Variants in RPTOR observed in about 807,000 individuals in gnomAD.
RPTOR encodes regulatory-associated protein of mTOR.
RPTOR carries 21 observed loss-of-function variants against 169.9 expected under a neutral mutation model. The ratio of observed to expected loss-of-function variants is 0.12; its 90% confidence interval spans 0.09 to 0.18. The LOEUF is 0.18. Ranked by LOEUF, RPTOR falls within the 10% of genes least tolerant of loss-of-function variation. The probability of loss-of-function intolerance (pLI) is 1.00; values close to 1 mark genes in which losing one functional copy is unlikely to be tolerated. For missense variants in RPTOR, 1,133 were observed against 1,855.9 expected, an observed-to-expected ratio of 0.61 and a Z score of 7.16; for synonymous variants, 732 against 753.2, an observed-to-expected ratio of 0.97 and a Z score of 0.46.
At chr17:80,892,191 G>A (rs762085012) in intron 18 of RPTOR, among the ~76,000 whole-genome samples, 14 of 152,122 alleles carry the variant, frequency 9.2e-5, no homozygotes, top group Non-Finnish European at 1.8e-4. Context: ...TCCGTGGCTC[G>A]GTGAGTCATG....
chr17:80,661,033 C>T (rs28420573), intron 3 of RPTOR, among the ~76,000 whole-genome samples: 2,041 of 152,316 alleles, frequency 0.013, 60 homozygotes, highest in African/African-American at 0.046. Flanking sequence ...TCATCTTTCT[C>T]GGGCTCTTTT....
At position 80,845,896 on chromosome 17, in the gene RPTOR, A is replaced by G. The variant is rs1434459283; in HGVS notation, c.1213-577A>G. Among the ~76,000 whole-genome samples the G allele has an allele frequency of 6.6e-6, 1 of 151,898 alleles. No individual in the cohort carries two copies. Among genetic ancestry groups the G allele is most frequent in the Non-Finnish European group, 1.5e-5 (1 of 67,974 alleles). ...GTGCTGGTTTGTGGCTCTGCCCTGGACGTTGCTCCCTGGCGTCCAGACCTT... is the reference window on the plus strand; with the variant it reads ...GTGCTGGTTTGTGGCTCTGCCCTGGGCGTTGCTCCCTGGCGTCCAGACCTT... On this transcript the variant is annotated intron_variant, in intron 10 of 33. Transcript: ENST00000306801. This position sits in a 1 kb window ranked among gnomAD's most constrained non-coding sequence, Gnocchi z 5.4.
In RPTOR at chr17:80,893,757, G is replaced by A. The variant is rs150308688; in HGVS notation, c.2293G>A (p.Ala765Thr). 2,268 of 1,607,268 alleles carry A rather than the reference G, an allele frequency of 1.4e-3. 3 individuals are homozygous for A. The highest frequency in any genetic ancestry group is 1.8e-3 in the Non-Finnish European group (2,082 of 1,176,530). Residue 765 changes from alanine to threonine, a missense_variant, in exon 20 of 34, where the codon GCC becomes ACC. Around this residue, in one of 9 missense-constraint regions of RPTOR, gnomAD observed 150 missense variants for 206.4 expected, o/e 0.73. Transcript: ENST00000306801. ...SPGNLSTSSSASSTLGSPENE... is the reference protein window; with the variant it reads ...SPGNLSTSSSTSSTLGSPENE... ...CGGAAACCTCAGCACCAGCAGCAGC[G>A]CCAGCAGCACCCTGGGCAGCCCCGA...
intron 13 of RPTOR, among the ~76,000 whole-genome samples, chr17:80,859,109 C>T (rs958549866): frequency 2.0e-5 from 3 of 152,112 alleles, no homozygotes; most frequent in African/African-American, 4.8e-5. Flanking sequence ...GGCTGGGGCT[C>T]GGGGAGCCTT....
At chr17:80,923,747 C>T (rs7217786) in intron 23 of RPTOR, 74 bp downstream of exon 23, 432,255 of 1,430,804 alleles carry the variant, frequency 0.3, 67,415 homozygotes, top group Middle Eastern at 0.34. Context: ...ATGGCCTCAG[C>T]CTCAGGCTGC....
At chr17:80,899,748 G>A (rs2068452270) in intron 20 of RPTOR, among the ~76,000 whole-genome samples, 1 of 152,238 alleles carries the variant, frequency 6.6e-6, no homozygotes, top group African/African-American at 2.4e-5. Flanking sequence ...CGTGTGGACT[G>A]AAGTTTGAAT....
At chr17:80,655,797 T>C (rs1222543773) in intron 3 of RPTOR, among the ~76,000 whole-genome samples, 1 of 152,158 alleles carries the variant, frequency 6.6e-6, no homozygotes, top group Admixed American at 6.5e-5. Flanking sequence ...GTTTAGTGTA[T>C]GCACATATGA....
chr17:80,830,337 C>G (rs1025035420), intron 9 of RPTOR, among the ~76,000 whole-genome samples: 2 of 152,218 alleles, frequency 1.3e-5, no homozygotes, highest in African/African-American at 4.8e-5. Flanking sequence ...CTCTCATTTC[C>G]TCTCCTCTCA....
rs555729122 is a variant in RPTOR, at chr17:80,949,343, T to C, written c.3266-100T>C. On this transcript the variant is annotated intron_variant, in intron 27 of 33. Coordinates refer to ENST00000306801, the MANE Select transcript of RPTOR (RefSeq NM_020761.3). ...AGTCAGGCTGGCCGCCCAGGGTCAC[T>C]GCAGCACGTCTGCCAGGAAGGGCTC... is the stretch of plus-strand genomic sequence containing the variant. 5.6e-4 allele frequency: 577 copies of C among 1,036,600 alleles called. 3 individuals carry two copies. The African/African-American group carries it at 7.7e-3, about 14-fold the overall frequency. 64.2% of individuals were successfully genotyped at this position (1,036,600 alleles called of 1,614,324 possible).
chr17:80,962,756 AG>A (rs2069361394), intron 32 of RPTOR, among the ~76,000 whole-genome samples, 171 bp from the exon 33 acceptor site: 1 of 152,196 alleles, frequency 6.6e-6, no homozygotes, highest in Non-Finnish European at 1.5e-5. Context: ...ATAAACTCTC[AG>A]GGCCCTGCCA....
At chr17:80,816,915 A>G (rs1426223725) in intron 7 of RPTOR, among the ~76,000 whole-genome samples, 2 of 152,192 alleles carry the variant, frequency 1.3e-5, no homozygotes, top group Admixed American at 1.3e-4. Flanking sequence ...TGGTCCTCCC[A>G]TTCCTGCGAG....
Position 80,949,628 on chromosome 17 carries a change from G to A in RPTOR, c.3370+81G>A. ...ACTCGGAATTCCAAGGCCCTTCTGG[G>A]GCTGTCTCTAAACAGGCTGCTCCAC... On this transcript the variant is annotated intron_variant, in intron 28 of 33. Transcript: ENST00000306801. The A allele has an allele frequency of 3.4e-6, 4 of 1,179,026 alleles. No individual in the cohort carries two copies. In the South Asian group the frequency reaches 4.8e-5, roughly 14 times the overall value. The allele number at this position is 1,179,026 out of a possible 1,614,324, so 73.0% of individuals were successfully genotyped here. A position where few individuals can be genotyped will look rare whatever the true frequency, so the allele number is the denominator to read the frequency against.
rs1258991698 is a variant in RPTOR at position 80,609,334 on chromosome 17, T to C, written c.163-16357T>C. ...TTCTAGCTGTTAATATTCTTCCTTCTGGCAGATGGTGGGTTTCACACTGAG... is the reference window on the plus strand; with the variant it reads ...TTCTAGCTGTTAATATTCTTCCTTCCGGCAGATGGTGGGTTTCACACTGAG... On this transcript the variant is annotated intron_variant, in intron 1 of 33. Transcript: ENST00000306801. This position sits in a 1 kb window ranked among gnomAD's most constrained non-coding sequence, Gnocchi z 4.8. Among the ~76,000 whole-genome samples, 3 of 152,238 alleles carry C rather than the reference T, an allele frequency of 2.0e-5. No homozygotes were observed. In the East Asian group the frequency reaches 5.8e-4, roughly 29 times the overall value.
At chr17:80,639,244 A>G (rs1392192783) in intron 2 of RPTOR, among the ~76,000 whole-genome samples, 1 of 151,040 alleles carries the variant, frequency 6.6e-6, no homozygotes, top group Admixed American at 6.6e-5. Flanking sequence ...CACACAGAGA[A>G]ATTTGCACTT....
intron 3 of RPTOR, among the ~76,000 whole-genome samples, chr17:80,703,457 G>A (rs895210785): frequency 6.6e-6 from 1 of 152,166 alleles, no homozygotes; most frequent in African/African-American, 2.4e-5. Flanking sequence ...TTCAGTGGAC[G>A]TTCCTGATAA....
chr17:80,796,463 A>G (rs1170685011), intron 7 of RPTOR, among the ~76,000 whole-genome samples: 2 of 152,224 alleles, frequency 1.3e-5, no homozygotes, highest in South Asian at 2.1e-4. Context: ...CATGTCTTAC[A>G]TGGCAGGAGA....
chr17:80,680,138 C>T (rs1288545271), intron 3 of RPTOR, among the ~76,000 whole-genome samples: 1 of 152,230 alleles, frequency 6.6e-6, no homozygotes, highest in Admixed American at 6.5e-5. Flanking sequence ...CTCAGACTGC[C>T]AGGCTCCTGC....
chr17:80,888,746 G>A (rs890774459), intron 17 of RPTOR, among the ~76,000 whole-genome samples: 9 of 152,344 alleles, frequency 5.9e-5, no homozygotes, highest in Middle Eastern at 3.4e-3. Flanking sequence ...CACGTGCCAC[G>A]TGCCGGGCCG....
intron 1 of RPTOR, among the ~76,000 whole-genome samples, chr17:80,620,303 T>A (rs189452761): frequency 6.6e-6 from 1 of 152,252 alleles, no homozygotes; most frequent in Non-Finnish European, 1.5e-5. Flanking sequence ...AAAACTTATG[T>A]AATATTATGC....
Sources: allele counts gnomAD v4.1 joint callset (sites outside exome capture counted in the v4.1 genomes callset), GRCh38; gene constraint gnomAD v4.1.1; regional missense constraint gnomAD v4.1.1; non-coding constraint Gnocchi (gnomAD v3.1); transcripts MANE v1.5; gene names NCBI Gene and HGNC (gene_info 2026-07-23, HGNC 2026-07-21).